Variants in ZC3H11A observed in about 807,000 individuals in gnomAD.
ZC3H11A encodes zinc finger CCCH domain-containing protein 11A.
Under a neutral mutation model 90.8 loss-of-function variants are expected in ZC3H11A, and 22 were observed. The observed-to-expected ratio is 0.24, with a 90% CI of 0.17 to 0.35. The LOEUF is 0.35. ZC3H11A is among the 10% of genes least tolerant of loss of function. The pLI is 1.00. For missense variants in ZC3H11A, 701 were observed against 964.9 expected (o/e 0.73, Z 3.62); for synonymous variants, 294 against 339.8 (o/e 0.87, Z 1.48).
intron 10 of ZC3H11A, chr1:203,835,844 C>T: frequency 4.1e-6 from 1 of 243,366 alleles, no homozygotes. Context: ...AAGCTATGTG[C>T]TCCCTTTTTT....
In ZC3H11A at chr1:203,847,377, A is replaced by G; in HGVS notation, c.1236A>G (p.Glu412=). ...RIKTFSEVLA[E]KKHRQQEAER... is the part of the protein sequence containing the mutation. ...AAACCTTCTCTGAGGTCCTGGCTGA[A>G]AAAAAACATCGGCAGCAGGAAGCAG... Residue 412 remains glutamate, a synonymous_variant, in exon 13 of 18, where the codon GAA becomes GAG. Transcript: ENST00000367210. 3 of 1,614,000 alleles carry G rather than the reference A, an allele frequency of 1.9e-6. No homozygotes were observed. The highest frequency in any genetic ancestry group is 2.2e-5 in the South Asian group (2 of 91,078).
rs760091218 is a variant in ZC3H11A at position 203,840,371 on chromosome 1, A to G, written c.1039A>G (p.Thr347Ala). Reference sequence around the variant, plus strand: ...AGCTGATCCAGATAATGAGGATGCAACAGGTAAGTAAATCCTAAGACCAGA... The same window carrying G: ...AGCTGATCCAGATAATGAGGATGCAGCAGGTAAGTAAATCCTAAGACCAGA... ...MSADPDNEDA[T>A]DKVNKVGEIH... Residue 347 changes from threonine to alanine, a missense_variant, in exon 12 of 18, where the codon ACA (threonine) becomes GCA (alanine). By Grantham distance (58) the Thr-to-Ala change is moderately conservative (BLOSUM62 0). Transcript: ENST00000367210. 42 of 1,612,124 alleles carry G rather than the reference A, an allele frequency of 2.6e-5. No individual in the cohort carries two copies. The highest frequency in any genetic ancestry group is 3.3e-5 in the Non-Finnish European group (39 of 1,178,870).
At chr1:203,823,135 G>A (rs1286419294) in intron 4 of ZC3H11A, among the ~76,000 whole-genome samples, 1 of 152,164 alleles carries the variant, frequency 6.6e-6, no homozygotes, top group African/African-American at 2.4e-5. Flanking sequence ...AGCTCCTATG[G>A]AGGGTATGGC....
intron 3 of ZC3H11A, among the ~76,000 whole-genome samples, chr1:203,817,938 C>T (rs1178247696): frequency 6.6e-6 from 1 of 151,926 alleles, no homozygotes; most frequent in African/African-American, 2.4e-5. Flanking sequence ...TTAGTACAGA[C>T]AGGGTTTCAC....
chr1:203,839,553 C>T lies in ZC3H11A; in HGVS notation c.974-753C>T, dbSNP rs375706694. The stretch of plus-strand genomic sequence containing the variant: ...TGCCCAAGGGACTTTGATGAGTAGA[C>T]GTTCCTGTTTGGAGGTTTTCTTGCA... On this transcript the variant is annotated intron_variant, in intron 11 of 17. Transcript: ENST00000367210. Among the ~76,000 whole-genome samples, 50 of 152,232 alleles carry T rather than the reference C, an allele frequency of 3.3e-4. No homozygotes were observed. The East Asian group carries it at 5.4e-3, about 16-fold the overall frequency.
intron 1 of ZC3H11A, chr1:203,801,123 T>TA (rs1166827055): frequency 6.6e-6 from 1 of 152,160 alleles, no homozygotes; most frequent in African/African-American, 2.4e-5. Flanking sequence ...TAAAATATTA[T>TA]AAAAATAGAT....
rs1414143516 is a variant in ZC3H11A at position 203,842,407 on chromosome 1, GC to G, written c.1042+2035del. ...CGGTCAGGAGCTGGAGACCAGCCCG[GC>G]CAACACGGCGAAACCCCGTCTCCAC... On this transcript the variant is annotated intron_variant, in intron 12 of 17. Coordinates refer to ENST00000367210, the MANE Select transcript of ZC3H11A (RefSeq NM_001376342.1). Among the ~76,000 whole-genome samples, 12 of 152,302 alleles carry G rather than the reference GC, an allele frequency of 7.9e-5. No homozygotes were observed. In the East Asian group the frequency reaches 2.3e-3, roughly 29 times the overall value.
In ZC3H11A at chr1:203,848,410, A is replaced by G; in HGVS notation, c.1623+3A>G. The G allele has an allele frequency of 6.2e-7, 1 of 1,603,706 alleles. No individual in the cohort carries two copies. Among genetic ancestry groups the G allele is most frequent in the Non-Finnish European group, 8.5e-7 (1 of 1,175,800 alleles). On this transcript the variant is annotated splice_donor_region_variant and intron_variant, in intron 14 of 17. Coordinates refer to ENST00000367210, the MANE Select transcript of ZC3H11A (RefSeq NM_001376342.1). ...GTATTAGAACAGAAGCTAAAGAGGT[A>G]AATTTAAGATTATTGTATGGTTTTG...
chr1:203,817,529 A>C (rs1324840391), intron 3 of ZC3H11A, among the ~76,000 whole-genome samples: 1 of 145,288 alleles, frequency 6.9e-6, no homozygotes, highest in Non-Finnish European at 1.5e-5. Flanking sequence ...GTTGAATTTG[A>C]CTTCTTTCTT....
At chr1:203,822,006 C>T (rs549410293) in intron 4 of ZC3H11A, among the ~76,000 whole-genome samples, 1 of 152,232 alleles carries the variant, frequency 6.6e-6, no homozygotes, top group East Asian at 1.9e-4. Context: ...ATCCGCCCGC[C>T]TTGGCCTCCC....
chr1:203,814,712 C>T (rs1675673349), intron 2 of ZC3H11A, among the ~76,000 whole-genome samples: 1 of 152,124 alleles, frequency 6.6e-6, no homozygotes, highest in Admixed American at 6.5e-5. Flanking sequence ...AATAACAAAG[C>T]TGCTTACATA....
intron 2 of ZC3H11A, among the ~76,000 whole-genome samples, chr1:203,810,285 T>C (rs550184584): frequency 1.6e-4 from 24 of 152,240 alleles, no homozygotes; most frequent in African/African-American, 5.8e-4. Context: ...CTTGCCGTTT[T>C]CTTGAATGGC....
Position 203,849,692 on chromosome 1 carries a change from C to T in ZC3H11A, c.1624-19C>T. 1 of 1,611,380 alleles carries T rather than the reference C, an allele frequency of 6.2e-7. No individual in the cohort carries two copies. Among genetic ancestry groups the T allele is most frequent in the Non-Finnish European group, 8.5e-7 (1 of 1,178,182 alleles). On this transcript the variant is annotated intron_variant, in intron 14 of 17. Transcript: ENST00000367210. ...TAGAGGTACCAGATTTTAATTCTGT[C>T]ATTCAAATTTATCCACAGGCTTCAG...
In ZC3H11A at chr1:203,847,670, G is replaced by A. The variant is rs777192878; in HGVS notation, c.1529G>A (p.Arg510Gln). 9 of 1,612,212 alleles carry A rather than the reference G, an allele frequency of 5.6e-6. No homozygotes were observed. The highest frequency in any genetic ancestry group is 1.7e-4 in the Middle Eastern group (1 of 6,052). Residue 510 changes from arginine (R) to glutamine (Q), a missense_variant, in exon 13 of 18, where the codon CGA becomes CAA. Transcript: ENST00000367210. Reference sequence around the variant, plus strand: ...ACTCCAGGGGCAAGGCGGCTGCTGCGAATCACCAAAAGAACAGGTAACAAG... The same window carrying A: ...ACTCCAGGGGCAAGGCGGCTGCTGCAAATCACCAAAAGAACAGGTAACAAG... ...EATPGARRLL[R>Q]ITKRTGMKEE...
chr1:203,834,800 C>A (rs1683709019), intron 10 of ZC3H11A, among the ~76,000 whole-genome samples: 1 of 152,012 alleles, frequency 6.6e-6, no homozygotes, highest in Non-Finnish European at 1.5e-5. Context: ...CAGGCACTAC[C>A]CCTGGCTAAT....
intron 1 of ZC3H11A, chr1:203,798,499 G>C: frequency 1.3e-6 from 2 of 1,536,148 alleles, no homozygotes; most frequent in Non-Finnish European, 1.7e-6. Context: ...AAAGACAGTG[G>C]TGCTGTTGCA....
intron 12 of ZC3H11A, among the ~76,000 whole-genome samples, chr1:203,843,897 G>A (rs1687165550): frequency 6.6e-6 from 1 of 151,192 alleles, no homozygotes; most frequent in Non-Finnish European, 1.5e-5. Flanking sequence ...CGCTCTTGTT[G>A]CCCAGTCTGG....
Position 203,829,865 on chromosome 1 carries a change from T to C in ZC3H11A, c.588T>C (p.Ser196=). Residue 196 remains serine, a synonymous_variant, in exon 7 of 18, where the codon TCT becomes TCC. Coordinates refer to ENST00000367210, the MANE Select transcript of ZC3H11A (RefSeq NM_001376342.1). The part of the protein sequence containing the change: ...PEVHNGLRVT[S]VRKPAVNIKQ... ...TTCACAATGGATTACGAGTGACTTC[T>C]GTCCGGAAACCTGCAGTCAATATAA... 1.2e-6 allele frequency: 2 copies of C among 1,614,190 alleles called. No homozygotes were observed. Among genetic ancestry groups the C allele is most frequent in the Non-Finnish European group, 1.7e-6 (2 of 1,180,024 alleles).
rs371661431 is a variant in ZC3H11A, at chr1:203,800,017, C to G, written c.-1587-1558C>G. Reference sequence around the variant, plus strand: ...GTGGGAGCTGATTCATTTACCTCATCTCTAAAAGAAGGCACCTCCAGTTCA... The same window carrying G: ...GTGGGAGCTGATTCATTTACCTCATGTCTAAAAGAAGGCACCTCCAGTTCA... On this transcript the variant is annotated intron_variant, in intron 1 of 17. Transcript: ENST00000367210. 898 of 1,536,144 alleles carry G rather than the reference C, an allele frequency of 5.8e-4. 13 individuals carry two copies. In the South Asian group the frequency reaches 0.01, roughly 17 times the overall value.
Sources: allele counts gnomAD v4.1 joint callset (sites outside exome capture counted in the v4.1 genomes callset), GRCh38; gene constraint gnomAD v4.1.1; transcripts MANE v1.5; gene names NCBI Gene and HGNC (gene_info 2026-07-23, HGNC 2026-07-21).